The following SLC36A1 variants were observed in gnomAD, a reference collection of about 807,000 sequenced individuals.
SLC36A1 encodes the protein proton-coupled amino acid transporter 1.
A neutral mutation model predicts 47.5 loss-of-function variants in SLC36A1; 30 were observed. The ratio of observed to expected loss-of-function variants is 0.63; its 90% CI spans 0.47 to 0.86. SLC36A1 has a LOEUF of 0.86. Among genes scored for constraint, SLC36A1 ranks in the 40% least tolerant of loss-of-function variants. The pLI is 0.00. For synonymous variants in SLC36A1, 255 were observed against 249.7 expected (o/e 1.02, Z -0.20); for missense variants, 517 against 606.0 (o/e 0.85, Z 1.54).
intron 2 of SLC36A1, among the ~76,000 whole-genome samples, 171 bp downstream of exon 2, chr5:151,459,106 T>C (rs1755137531): frequency 6.6e-6 from 1 of 152,220 alleles, no homozygotes; most frequent in African/African-American, 2.4e-5. Context: ...GCTGCCACTC[T>C]CTAGGCAGTT....
intron 10 of SLC36A1, among the ~76,000 whole-genome samples, chr5:151,483,520 G>GAGGC (rs745868506): frequency 6.9e-6 from 1 of 144,658 alleles, no homozygotes; most frequent in African/African-American, 2.7e-5. Flanking sequence ...GTGTGTGTGG[G>GAGGC]GGGGGTGATT....
chr5:151,531,220 C>T, the SLC36A1 span, among the ~76,000 whole-genome samples: 1 of 152,108 alleles, frequency 6.6e-6, no homozygotes, highest in African/African-American at 2.4e-5. This position sits in a 1 kb window ranked among gnomAD's most constrained non-coding sequence, Gnocchi z 5.7. Flanking sequence ...TTGCTTAAGC[C>T]CCAGATTCCA....
At chr5:151,399,263 T>G in the SLC36A1 span, among the ~76,000 whole-genome samples, 1 of 151,634 alleles carries the variant, frequency 6.6e-6, no homozygotes, top group South Asian at 2.1e-4. Flanking sequence ...ATTTTTGTAT[T>G]TTTAGTAGAG....
rs149068899 is a variant in SLC36A1, at chr5:151,462,930, C to G, written c.144-623C>G. Among the ~76,000 whole-genome samples the G allele has an allele frequency of 6.6e-3, 1,005 of 151,388 alleles. 11 individuals are homozygous for G. The highest frequency in any genetic ancestry group is 0.023 in the African/African-American group (968 of 41,220). The stretch of plus-strand genomic sequence containing the variant: ...TCCCTCTATTGCCTAGGCTGGAGTA[C>G]AGTGGCACGATCTTAACTCACTGCA... On this transcript the variant is annotated intron_variant, in intron 2 of 10. Coordinates refer to ENST00000243389, the MANE Select transcript of SLC36A1 (RefSeq NM_078483.4).
At chr5:151,454,987 T>G (rs1754278730) in intron 1 of SLC36A1, among the ~76,000 whole-genome samples, 3 of 152,188 alleles carry the variant, frequency 2.0e-5, no homozygotes, top group African/African-American at 7.2e-5. Flanking sequence ...TTAGTTGGTT[T>G]CCTACCCCTC....
At chr5:151,421,079 T>G in the SLC36A1 span, among the ~76,000 whole-genome samples, 6 of 151,810 alleles carry the variant, frequency 4.0e-5, no homozygotes, top group African/African-American at 1.2e-4. Context: ...TTCACCGTGT[T>G]AGCCAGGATG....
chr5:151,518,066 C>T, the SLC36A1 span, among the ~76,000 whole-genome samples: 1 of 152,160 alleles, frequency 6.6e-6, no homozygotes, highest in Non-Finnish European at 1.5e-5. Flanking sequence ...TGAGGTGGCT[C>T]ATGCCTATAA....
At chr5:151,468,249 C>T (rs1316111182) in intron 7 of SLC36A1, among the ~76,000 whole-genome samples, 2 of 28,312 alleles carry the variant, frequency 7.1e-5, no homozygotes, top group South Asian at 1.4e-3. Context: ...AAGACTCTGT[C>T]TCAAAAAAAA....
At chr5:151,457,759 G>T (rs1268207493) in intron 1 of SLC36A1, among the ~76,000 whole-genome samples, 1 of 152,144 alleles carries the variant, frequency 6.6e-6, no homozygotes, top group Non-Finnish European at 1.5e-5. Flanking sequence ...GAGAGAAAGA[G>T]AACGGCATGT....
At chr5:151,485,898 G>A (rs1473473602) in intron 10 of SLC36A1, among the ~76,000 whole-genome samples, 2 of 152,150 alleles carry the variant, frequency 1.3e-5, no homozygotes, top group Admixed American at 6.5e-5. Context: ...TGAAGAACAG[G>A]ATTTAATTTC....
At chr5:151,533,393 AACACACACACACAC>A in the SLC36A1 span, among the ~76,000 whole-genome samples, 29 of 132,114 alleles carry the variant, frequency 2.2e-4, no homozygotes, top group African/African-American at 3.6e-4. Flanking sequence ...TGTTATCTCC[AACACACACACACAC>A]ACACACACAC....
chr5:151,378,806 C>G, the SLC36A1 span, among the ~76,000 whole-genome samples: 1 of 152,186 alleles, frequency 6.6e-6, no homozygotes, highest in Non-Finnish European at 1.5e-5. Context: ...TCTACCCACC[C>G]CCTGCCACTG....
intron 5 of SLC36A1, among the ~76,000 whole-genome samples, chr5:151,465,492 C>T (rs1194610887): frequency 2.0e-5 from 3 of 152,166 alleles, no homozygotes; most frequent in Non-Finnish European, 4.4e-5. Context: ...TAAGCACTAT[C>T]TTATAAATGG....
chr5:151,364,781 C>T, the SLC36A1 span, among the ~76,000 whole-genome samples: 3 of 152,170 alleles, frequency 2.0e-5, no homozygotes, highest in Non-Finnish European at 4.4e-5. Flanking sequence ...CCAGTGGAAG[C>T]AGGAGCTCCA....
chr5:151,432,517 G>T (rs1759420618), upstream of SLC36A1, among the ~76,000 whole-genome samples: 1 of 152,152 alleles, frequency 6.6e-6, no homozygotes, highest in African/African-American at 2.4e-5. Flanking sequence ...TCTACCCCTT[G>T]CTTTCAGATC....
chr5:151,466,962 G>A (rs1756488563), intron 5 of SLC36A1, among the ~76,000 whole-genome samples: 1 of 152,166 alleles, frequency 6.6e-6, no homozygotes, highest in African/African-American at 2.4e-5. Flanking sequence ...GGAAGGGTCT[G>A]TGATGGCTTG....
chr5:151,554,776 C>T, the SLC36A1 span: 4 of 912,016 alleles, frequency 4.4e-6, no homozygotes, highest in African/African-American at 6.9e-5. Flanking sequence ...TTGGTATGAG[C>T]TTGTACTTTT....
the SLC36A1 span, among the ~76,000 whole-genome samples, chr5:151,538,136 C>T: frequency 6.6e-6 from 1 of 151,744 alleles, no homozygotes; most frequent in Admixed American, 6.6e-5. Flanking sequence ...GGGAGGGGAA[C>T]AGAGGAGGTA....
chr5:151,551,440 C>T, the SLC36A1 span: 1 of 1,611,212 alleles, frequency 6.2e-7, no homozygotes, highest in Non-Finnish European at 8.5e-7. Context: ...CCTCTCAATA[C>T]AGGGGTCCCC....
Sources: allele counts gnomAD v4.1 joint callset (sites outside exome capture counted in the v4.1 genomes callset), GRCh38; gene constraint gnomAD v4.1.1; non-coding constraint Gnocchi (gnomAD v3.1); transcripts MANE v1.5; gene names NCBI Gene and HGNC (gene_info 2026-07-23, HGNC 2026-07-21).